The following SYNDIG1 variants were observed in gnomAD, a reference collection of about 807,000 sequenced individuals.
The protein encoded by SYNDIG1 is synapse differentiation inducing 1.
In SYNDIG1, 9 loss-of-function variants were observed where a neutral mutation model predicts 19.4. The observed-to-expected ratio is 0.46, with a 90% CI of 0.28 to 0.81. SYNDIG1 has a LOEUF of 0.81. Ranked by LOEUF, SYNDIG1 falls within the 30% of genes least tolerant of loss-of-function variation. SYNDIG1 has a pLI of 0.12. For synonymous variants in SYNDIG1, 141 were observed against 145.9 expected (o/e 0.97, Z 0.24); for missense variants, 311 against 343.3 (o/e 0.91, Z 0.74).
intron 1 of SYNDIG1, among the ~76,000 whole-genome samples, chr20:24,475,571 G>T (rs1289844915): frequency 2.0e-5 from 3 of 152,182 alleles, no homozygotes; most frequent in Non-Finnish European, 4.4e-5. Context: ...AAGCACAGGG[G>T]CTGGCCTGGG....
chr20:24,627,026 G>C (rs1201093713), intron 3 of SYNDIG1, among the ~76,000 whole-genome samples: 1 of 152,118 alleles, frequency 6.6e-6, no homozygotes, highest in Non-Finnish European at 1.5e-5. Flanking sequence ...GATGGCAGCA[G>C]CACAGTCCAG....
chr20:24,585,218 A>G (rs1231509866), intron 3 of SYNDIG1, among the ~76,000 whole-genome samples: 1 of 152,206 alleles, frequency 6.6e-6, no homozygotes, highest in Non-Finnish European at 1.5e-5. Context: ...GTGTCCTCGC[A>G]GAGGTGGGAC....
intron 3 of SYNDIG1, among the ~76,000 whole-genome samples, chr20:24,662,445 A>G (rs1600845375): frequency 6.6e-6 from 1 of 152,254 alleles, no homozygotes; most frequent in South Asian, 2.1e-4. Flanking sequence ...GGTGGGTTTC[A>G]GGTTGCAGGA....
At chr20:24,584,820 TCTCTC>T in intron 2 of SYNDIG1, 31 bp from the exon 3 acceptor site, 2 of 1,613,608 alleles carry the variant, frequency 1.2e-6, no homozygotes, top group African/African-American at 1.3e-5. Context: ...TTATTAATCT[TCTCTC>T]CTGTCCTGTC....
intron 1 of SYNDIG1, among the ~76,000 whole-genome samples, chr20:24,501,865 C>T (rs2056463115): frequency 1.3e-5 from 2 of 152,202 alleles, no homozygotes. Context: ...ACTGGGCACT[C>T]ACCTCTGCAG....
intron 2 of SYNDIG1, among the ~76,000 whole-genome samples, chr20:24,544,188 C>A: frequency 6.6e-6 from 1 of 152,214 alleles, no homozygotes; most frequent in East Asian, 1.9e-4. Flanking sequence ...GTACACACTG[C>A]ACGTTGGATA....
intron 3 of SYNDIG1, among the ~76,000 whole-genome samples, chr20:24,601,349 T>A (rs976528976): frequency 2.0e-5 from 3 of 152,238 alleles, no homozygotes; most frequent in African/African-American, 2.4e-5. Flanking sequence ...GTTCCCTTTT[T>A]CTGTTCTCTG....
At chr20:24,614,145 C>T (rs1228900459) in intron 3 of SYNDIG1, among the ~76,000 whole-genome samples, 1 of 152,156 alleles carries the variant, frequency 6.6e-6, no homozygotes, top group African/African-American at 2.4e-5. Context: ...TAGGCACACA[C>T]CACCATGCCC....
chr20:24,535,287 G>T lies in SYNDIG1; in HGVS notation c.-78-7733G>T, dbSNP rs147708817. On this transcript the variant is annotated intron_variant, in intron 1 of 3. Transcript: ENST00000376862. The stretch of plus-strand genomic sequence containing the variant: ...GCTCTTCATGTCAAAGGGAAGATGT[G>T]GGAAATTGCTTGATGAAGATCCAAA... Among the ~76,000 whole-genome samples, 405 of 152,272 alleles carry T rather than the reference G, an allele frequency of 2.7e-3. 1 individual carries two copies. The highest frequency in any genetic ancestry group is 9.4e-3 in the African/African-American group (390 of 41,558).
intron 1 of SYNDIG1, among the ~76,000 whole-genome samples, chr20:24,481,073 C>T (rs895296129): frequency 1.3e-5 from 2 of 152,054 alleles, no homozygotes; most frequent in Admixed American, 6.5e-5. Context: ...ATACTTAGCA[C>T]ACTAAGAAAT....
chr20:24,512,701 C>T (rs1600485748), intron 1 of SYNDIG1, among the ~76,000 whole-genome samples: 1 of 152,292 alleles, frequency 6.6e-6, no homozygotes, highest in East Asian at 1.9e-4. Context: ...CCTCCGGGGG[C>T]AGGGCATAGT....
chr20:24,523,027 G>A (rs1177736171), intron 1 of SYNDIG1, among the ~76,000 whole-genome samples: 1 of 152,172 alleles, frequency 6.6e-6, no homozygotes, highest in Non-Finnish European at 1.5e-5. Flanking sequence ...ATTTCAATAT[G>A]AGATTTGGAG....
intron 3 of SYNDIG1, among the ~76,000 whole-genome samples, chr20:24,591,737 A>T (rs1412166886): frequency 2.6e-5 from 4 of 152,206 alleles, no homozygotes; most frequent in Non-Finnish European, 1.5e-5. Context: ...ATGAGGTATT[A>T]GGCTGCGAGA....
At position 24,474,468 on chromosome 20, in the gene SYNDIG1, T is replaced by C. The variant is rs376034895; in HGVS notation, c.-79+4715T>C. Among the ~76,000 whole-genome samples the C allele has an allele frequency of 3.3e-5, 5 of 152,096 alleles. No individual in the cohort carries two copies. In the East Asian group the frequency reaches 9.6e-4, roughly 29 times the overall value. On this transcript the variant is annotated intron_variant, in intron 1 of 3. Coordinates refer to ENST00000376862, the MANE Select transcript of SYNDIG1 (RefSeq NM_024893.3). Reference sequence around the variant, plus strand: ...GGTAGAAAATAATAAAAATAAAAGCTGTTTCCAAAGGCACAACCCAGGGGA... The same window carrying C: ...GGTAGAAAATAATAAAAATAAAAGCCGTTTCCAAAGGCACAACCCAGGGGA...
At position 24,470,357 on chromosome 20, in the gene SYNDIG1, G is replaced by C. The variant is rs138692702; in HGVS notation, c.-79+604G>C. Among the ~76,000 whole-genome samples the C allele has an allele frequency of 2.8e-3, 426 of 152,284 alleles. 4 individuals are homozygous for C. The highest frequency in any genetic ancestry group is 9.7e-3 in the African/African-American group (405 of 41,564). ...CGCGCTTGGGATGGGGAATCCCGACGGGCGACCGTGGCGGAAGCAGAGACT... is the reference window on the plus strand; with the variant it reads ...CGCGCTTGGGATGGGGAATCCCGACCGGCGACCGTGGCGGAAGCAGAGACT... On this transcript the variant is annotated intron_variant, in intron 1 of 3. Transcript: ENST00000376862.
intron 1 of SYNDIG1, among the ~76,000 whole-genome samples, chr20:24,533,939 C>T (rs184698326): frequency 2.0e-5 from 3 of 152,254 alleles, no homozygotes; most frequent in South Asian, 2.1e-4. Context: ...TTTGGGCTTA[C>T]GGTTCTGCAG....
chr20:24,623,977 A>G (rs1258971918), intron 3 of SYNDIG1, among the ~76,000 whole-genome samples: 1 of 152,226 alleles, frequency 6.6e-6, no homozygotes, highest in Non-Finnish European at 1.5e-5. Context: ...AATGAGACCC[A>G]ACTGGCTGGG....
intron 2 of SYNDIG1, among the ~76,000 whole-genome samples, chr20:24,557,673 C>G (rs1272580348): frequency 6.6e-6 from 1 of 152,256 alleles, no homozygotes; most frequent in South Asian, 2.1e-4. Flanking sequence ...GAAGTTTTGT[C>G]TCAGAGGAGT....
chr20:24,490,925 A>C (rs1351762139), intron 1 of SYNDIG1, among the ~76,000 whole-genome samples: 1 of 152,190 alleles, frequency 6.6e-6, no homozygotes, highest in African/African-American at 2.4e-5. Context: ...ATCCCAGAGG[A>C]GAAGGCCTGG....
Sources: gnomAD v4.1 joint callset for allele counts (sites outside exome capture counted in the v4.1 genomes callset) on GRCh38, gnomAD v4.1.1 for gene constraint, MANE v1.5 for transcripts, NCBI Gene and HGNC (gene_info 2026-07-23, HGNC 2026-07-21) for gene names.